Variants in HDGFL2 observed in about 807,000 individuals in gnomAD.
The protein encoded by HDGFL2 is HDGF like 2.
Under a neutral mutation model 77.1 loss-of-function variants are expected in HDGFL2, and 36 were observed. That is an observed-to-expected ratio of 0.47 (90% CI 0.36 to 0.62). The LOEUF (loss-of-function observed/expected upper bound fraction) is 0.62, where lower values mean the gene tolerates loss of function less well. Among genes scored for constraint, HDGFL2 ranks in the 20% least tolerant of loss-of-function variants. The pLI, the probability that HDGFL2 is intolerant of heterozygous loss-of-function variation, is 0.00. For synonymous variants in HDGFL2, 463 were observed against 413.1 expected (o/e 1.12, Z -1.46); for missense variants, 976 against 973.4 (o/e 1.00, Z -0.04).
chr19:4,491,269 ACCCCCCCACC>A (rs1975502717), intron 4 of HDGFL2, among the ~76,000 whole-genome samples: 1 of 19,414 alleles, frequency 5.2e-5, no homozygotes, highest in Non-Finnish European at 1.0e-4. Flanking sequence ...CCACCCCCCC[ACCCCCCCACC>A]CCCCCCGGCG....
chr19:4,494,513 C>T, intron 9 of HDGFL2, 38 bp downstream of exon 9: 1 of 1,336,790 alleles, frequency 7.5e-7, no homozygotes. Flanking sequence ...TGCCTTCACT[C>T]CACACGTTTA....
chr19:4,491,521 GC>G (rs1975511948), intron 4 of HDGFL2, 44 bp from the exon 5 acceptor site: 1 of 1,565,430 alleles, frequency 6.4e-7, no homozygotes, highest in African/African-American at 1.4e-5. Flanking sequence ...CCTGCCAGGA[GC>G]CCGGCCTTCC....
intron 14 of HDGFL2, 147 bp downstream of exon 14, chr19:4,499,851 G>C: frequency 2.8e-6 from 2 of 704,500 alleles, no homozygotes; most frequent in Admixed American, 3.0e-5. Flanking sequence ...TCTCCGTGCA[G>C]ACCCGGCTTT....
intron 6 of HDGFL2, among the ~76,000 whole-genome samples, chr19:4,492,959 A>T (rs777565207): frequency 0.13 from 9,060 of 69,234 alleles, 359 homozygotes; most frequent in African/African-American, 0.2. Context: ...GGTGCGTGTG[A>T]GTTGTCTGTG....
intron 3 of HDGFL2, among the ~76,000 whole-genome samples, chr19:4,479,799 T>C (rs1975167809): frequency 6.7e-6 from 1 of 149,198 alleles, no homozygotes; most frequent in South Asian, 2.1e-4. Context: ...CCAGCTACTC[T>C]ACAGGCTGAG....
rs1008673401 is a variant in HDGFL2 at position 4,472,298 on chromosome 19, G to A, written c.-53G>A. Reference sequence around the variant, plus strand: ...CGCTGCCGCCGCCGCCGCCGCCGCAGCCGCTACCGCCGCTGCAGCCGCTTT... The same window carrying A: ...CGCTGCCGCCGCCGCCGCCGCCGCAACCGCTACCGCCGCTGCAGCCGCTTT... On this transcript the variant is annotated 5_prime_UTR_variant, in exon 1 of 16. Coordinates refer to ENST00000616600, the MANE Select transcript of HDGFL2 (RefSeq NM_001001520.3). The A allele has an allele frequency of 7.3e-7, 1 of 1,362,190 alleles. No homozygotes were observed. 84.4% of individuals were successfully genotyped at this position (1,362,190 alleles called of 1,614,324 possible).
chr19:4,492,306 T>G (rs1975536536), intron 6 of HDGFL2, among the ~76,000 whole-genome samples: 1 of 150,776 alleles, frequency 6.6e-6, no homozygotes, highest in South Asian at 2.1e-4. Flanking sequence ...ATTGTGCATG[T>G]GTGATGTGTG....
chr19:4,501,040 A>G (rs2145224052), intron 14 of HDGFL2, 151 bp from the exon 15 acceptor site: 1 of 857,496 alleles, frequency 1.2e-6, no homozygotes, highest in Non-Finnish European at 1.7e-6. Context: ...AGGAGCTTGC[A>G]GACTGGACAG....
intron 15 of HDGFL2, 179 bp downstream of exon 15, chr19:4,501,496 C>T (rs558128027): frequency 4.0e-5 from 27 of 670,678 alleles, no homozygotes; most frequent in Non-Finnish European, 5.3e-5. Flanking sequence ...GCACTTCCGG[C>T]GGCCCCTACA....
intron 6 of HDGFL2, among the ~76,000 whole-genome samples, chr19:4,493,317 CTG>C (rs1474349265): frequency 2.0e-5 from 3 of 146,800 alleles, no homozygotes; most frequent in Non-Finnish European, 4.5e-5. Flanking sequence ...TGTGTGGTGT[CTG>C]TGTGTGGCGT....
intron 1 of HDGFL2, 50 bp downstream of exon 1, chr19:4,472,472 G>C: frequency 9.7e-7 from 1 of 1,034,622 alleles, no homozygotes; most frequent in Non-Finnish European, 1.3e-6. Flanking sequence ...GGGGGGCAGC[G>C]GGGGCCCCGG....
chr19:4,492,834 T>C (rs1975559254), intron 6 of HDGFL2, among the ~76,000 whole-genome samples: 1 of 150,714 alleles, frequency 6.6e-6, no homozygotes, highest in African/African-American at 2.4e-5. Context: ...GTGTGTTATC[T>C]GTGTGGTGTG....
intron 6 of HDGFL2, 107 bp downstream of exon 6, chr19:4,491,942 C>T (rs1440014042): frequency 1.2e-5 from 12 of 1,024,286 alleles, no homozygotes; most frequent in African/African-American, 3.2e-5. Context: ...GGGTGGGACA[C>T]GGACTGCAGG....
Position 4,501,900 on chromosome 19 carries a change from G to A in HDGFL2, c.1917-11G>A, listed in dbSNP as rs1320971844. 1.4e-6 allele frequency: 2 copies of A among 1,442,402 alleles called. No individual in the cohort carries two copies. Among genetic ancestry groups the A allele is most frequent in the African/African-American group, 1.5e-5 (1 of 68,766 alleles). 89.4% of individuals were successfully genotyped at this position (1,442,402 alleles called of 1,614,324 possible). A position where few individuals can be genotyped will look rare whatever the true frequency, so the allele number is the denominator to read the frequency against. On this transcript the variant is annotated splice_polypyrimidine_tract_variant and intron_variant, in intron 15 of 15. Transcript: ENST00000616600. ...AGGGCATCCTCACACCGCCTTTGCT[G>A]TTCCCACCAGCAGCGTACGGGAGGG...
rs1405330190 is a variant in HDGFL2, at chr19:4,491,280, C to G, written c.490-286C>G. 6.4e-5 allele frequency among the ~76,000 whole-genome samples: 8 copies of G among 125,102 alleles called. No homozygotes were observed. The East Asian group carries it at 2.2e-3, about 34-fold the overall frequency. 82.1% of individuals were successfully genotyped at this position (125,102 alleles called of 152,430 possible). ...CCCCCCACCCCCCCACCCCCCCACC[C>G]CCCCCGGCGCAGCCCTGGTGCCCCT... On this transcript the variant is annotated intron_variant, in intron 4 of 15. Transcript: ENST00000616600.
intron 2 of HDGFL2, 24 bp from the exon 3 acceptor site, chr19:4,475,421 C>T (rs773669226): frequency 6.2e-7 from 1 of 1,613,982 alleles, no homozygotes; most frequent in Non-Finnish European, 8.5e-7. Context: ...TCACCTGGGA[C>T]TGGCCCCCGT....
chr19:4,498,853 A>G lies in HDGFL2; in HGVS notation c.1513A>G (p.Thr505Ala). The change falls in exon 13 of 16, where the codon ACC becomes GCC. Residue 505 changes from threonine (T) to alanine (A), a missense_variant. This residue lies in a region of HDGFL2 where 46 missense variants were observed against 81.3 expected (regional missense o/e 0.57). Transcript: ENST00000616600. ...CCTGAATGCCCTAGAGGAGCTGGGA[A>G]CCCTGCAGGTGACCTCTCAGATCCT... ...RCLNALEELG[T>A]LQVTSQILQK... 6.2e-7 allele frequency: 1 copy of G among 1,611,696 alleles called. No homozygotes were observed. Among genetic ancestry groups the G allele is most frequent in the Non-Finnish European group, 8.5e-7 (1 of 1,178,910 alleles).
rs374672748 is a variant in HDGFL2 at position 4,491,799 on chromosome 19, G to A, written c.642G>A (p.Ala214=). 218 of 1,613,884 alleles carry A rather than the reference G, an allele frequency of 1.4e-4. No individual in the cohort carries two copies. The highest frequency in any genetic ancestry group is 1.8e-4 in the Non-Finnish European group (208 of 1,180,008). ...CTGAGAAGAAAGCAGCGGTCCGGGC[G>A]CCACGGAGGGGCCCTCTGGGGGGAC... ...FTPEKKAAVR[A]PRRGPLGGRK... Residue 214 remains alanine, a synonymous_variant, in exon 6 of 16, where the codon GCG becomes GCA. Transcript: ENST00000616600.
chr19:4,479,766 TGTG>T (rs1975167058), intron 3 of HDGFL2, among the ~76,000 whole-genome samples: 1 of 146,852 alleles, frequency 6.8e-6, no homozygotes, highest in Non-Finnish European at 1.5e-5. Flanking sequence ...ATTACCCAGA[TGTG>T]GTGGTGGGCA....
Sources: gnomAD v4.1 joint callset for allele counts (sites outside exome capture counted in the v4.1 genomes callset) on GRCh38, gnomAD v4.1.1 for gene constraint, gnomAD v4.1.1 regional missense constraint, MANE v1.5 for transcripts, NCBI Gene and HGNC (gene_info 2026-07-23, HGNC 2026-07-21) for gene names.